Variants in CBFA2T3 observed in about 807,000 individuals in gnomAD.
CBFA2T3 encodes the protein CBFA2/RUNX1 partner transcriptional co-repressor 3.
CBFA2T3 carries 31 observed loss-of-function variants against 58.6 expected under a neutral mutation model. The ratio of observed to expected loss-of-function variants is 0.53; its 90% CI spans 0.40 to 0.71. The LOEUF (loss-of-function observed/expected upper bound fraction) is 0.71, where lower values mean the gene tolerates loss of function less well. Among genes scored for constraint, CBFA2T3 ranks in the 30% least tolerant of loss-of-function variants. CBFA2T3 has a pLI of 0.00. For synonymous variants in CBFA2T3, 531 were observed against 421.9 expected (o/e 1.26, Z -3.17); for missense variants, 1,076 against 963.1 (o/e 1.12, Z -1.55).
intron 3 of CBFA2T3, among the ~76,000 whole-genome samples, chr16:88,896,008 CGCTCAGGCCTGACCTGGGCTTCCCCA>C (rs1242489864): frequency 6.6e-6 from 1 of 152,196 alleles, no homozygotes. Flanking sequence ...CAGCCAGAGT[CGCTCAGGCCTGACCTGGGCTTCCCCA>C]GCCTCTCCTG....
At chr16:88,921,716 C>T (rs886214482) in intron 1 of CBFA2T3, among the ~76,000 whole-genome samples, 16 of 152,228 alleles carry the variant, frequency 1.1e-4, no homozygotes, top group African/African-American at 3.9e-4. Context: ...AATTAGGATC[C>T]TGTCAGCTGC....
rs1972126727 is a variant in CBFA2T3, at chr16:88,953,284, G to A, written c.151+23373C>T. Among the ~76,000 whole-genome samples, 1 of 152,240 alleles carries A rather than the reference G, an allele frequency of 6.6e-6. No individual in the cohort carries two copies. Among genetic ancestry groups the A allele is most frequent in the African/African-American group, 2.4e-5 (1 of 41,462 alleles). ...TACGTTTGCATCCCTTTCTTCCAGG[G>A]CCTGCGGGGCTGACAGGCACACAGC... On this transcript the variant is annotated intron_variant, in intron 1 of 11. Coordinates refer to ENST00000268679, the MANE Select transcript of CBFA2T3 (RefSeq NM_005187.6). The surrounding 1 kb of genome is among the most constrained non-coding windows in gnomAD (Gnocchi z 4.9).
intron 1 of CBFA2T3, among the ~76,000 whole-genome samples, chr16:88,948,191 T>C (rs1165460383): frequency 1.3e-5 from 2 of 152,212 alleles, no homozygotes; most frequent in East Asian, 1.9e-4. Flanking sequence ...CACGTGGTGA[T>C]TGGTCATCAA....
In CBFA2T3 at chr16:88,875,458, A is replaced by G. The variant is rs538638049; in HGVS notation, c.*1518T>C. 6 of 233,470 alleles carry G rather than the reference A, an allele frequency of 2.6e-5. No homozygotes were observed. In the South Asian group the frequency reaches 9.0e-4, roughly 35 times the overall value. 14.5% of individuals were successfully genotyped at this position (233,470 alleles called of 1,614,324 possible). On this transcript the variant is annotated 3_prime_UTR_variant, in exon 12 of 12. Transcript: ENST00000268679. ...CTGGGCAGGAGCACCAGGGCTATGTACACGGTCAGGGTCTTCCCTGGGGAG... is the reference window on the plus strand; with the variant it reads ...CTGGGCAGGAGCACCAGGGCTATGTGCACGGTCAGGGTCTTCCCTGGGGAG...
chr16:88,943,191 C>T (rs1335013745), intron 1 of CBFA2T3, among the ~76,000 whole-genome samples: 2 of 152,186 alleles, frequency 1.3e-5, no homozygotes, highest in Non-Finnish European at 2.9e-5. Flanking sequence ...AGCGAACCAC[C>T]CTGAAGTCAG....
intron 1 of CBFA2T3, among the ~76,000 whole-genome samples, chr16:88,949,080 A>G (rs139736789): frequency 2.1e-4 from 32 of 152,376 alleles, no homozygotes; most frequent in Non-Finnish European, 4.1e-4. Context: ...TGGGTTAAAG[A>G]ATAAAATGTG....
In CBFA2T3 at chr16:88,901,415, G is replaced by T. The variant is rs1181810679; in HGVS notation, c.304+89C>A. On this transcript the variant is annotated intron_variant, in intron 2 of 11. Transcript: ENST00000268679. ...TCAGGGCTCACAGAAGGTGCCCGCTGGCTCCGGGCAGGAAGCTCAGAATTT... is the reference window on the plus strand; with the variant it reads ...TCAGGGCTCACAGAAGGTGCCCGCTTGCTCCGGGCAGGAAGCTCAGAATTT... 9.2e-6 allele frequency: 6 copies of T among 653,400 alleles called. No individual in the cohort carries two copies. The South Asian group carries it at 1.4e-4, about 15-fold the overall frequency. The allele number at this position is 653,400 out of a possible 1,614,324, so 40.5% of individuals were successfully genotyped here. A position where few individuals can be genotyped will look rare whatever the true frequency, so the allele number is the denominator to read the frequency against.
Position 88,876,106 on chromosome 16 carries a change from G to A in CBFA2T3, c.*870C>T, listed in dbSNP as rs1968820349. ...GTGAAACAGTGAAAAAAATACTTTG[G>A]CAGTGACAAACAAATTTTGGATTTT... On this transcript the variant is annotated 3_prime_UTR_variant, in exon 12 of 12. Transcript: ENST00000268679. The A allele has an allele frequency of 4.3e-6, 1 of 232,576 alleles. No individual in the cohort carries two copies. Among genetic ancestry groups the A allele is most frequent in the African/African-American group, 2.2e-5 (1 of 45,262 alleles). 14.4% of individuals were successfully genotyped at this position (232,576 alleles called of 1,614,324 possible). A position where few individuals can be genotyped will look rare whatever the true frequency, so the allele number is the denominator to read the frequency against.
At chr16:88,900,162 C>A (rs1285103246) in intron 2 of CBFA2T3, among the ~76,000 whole-genome samples, 1 of 152,238 alleles carries the variant, frequency 6.6e-6, no homozygotes, top group Non-Finnish European at 1.5e-5. Context: ...CAGGGCCGGC[C>A]CCGCGGGTGC....
chr16:88,898,021 G>T, intron 3 of CBFA2T3, 57 bp downstream of exon 3: 2 of 1,284,630 alleles, frequency 1.6e-6, no homozygotes, highest in South Asian at 1.2e-5. Context: ...TGGGCCAGCT[G>T]AGGATGCTGC....
At chr16:88,975,196 G>A (rs28615249) in intron 1 of CBFA2T3, among the ~76,000 whole-genome samples, 1,477 of 123,936 alleles carry the variant, frequency 0.012, 36 homozygotes, top group African/African-American at 0.036. Flanking sequence ...AGCCATGTCA[G>A]AGGTCCACCC....
rs113111501 is a variant in CBFA2T3, at chr16:88,899,653, C to T, written c.305-1501G>A. On this transcript the variant is annotated intron_variant, in intron 2 of 11. Transcript: ENST00000268679. ...CCAGGAGCATCAGACCGGCACCTTCCAAGCAGAGGCTGCTGGTCCCCAGGG... is the reference window on the plus strand; with the variant it reads ...CCAGGAGCATCAGACCGGCACCTTCTAAGCAGAGGCTGCTGGTCCCCAGGG... Among the ~76,000 whole-genome samples, 13 of 152,304 alleles carry T rather than the reference C, an allele frequency of 8.5e-5. No homozygotes were observed. The South Asian group carries it at 2.5e-3, about 29-fold the overall frequency.
intron 5 of CBFA2T3, among the ~76,000 whole-genome samples, chr16:88,888,656 G>C (rs1969498492): frequency 6.8e-6 from 1 of 147,272 alleles, no homozygotes; most frequent in East Asian, 2.1e-4. Flanking sequence ...AGTAGGGCCA[G>C]GGTTCTGGCT....
intron 3 of CBFA2T3, among the ~76,000 whole-genome samples, chr16:88,896,078 T>C (rs763207663): frequency 2.6e-5 from 4 of 152,052 alleles, no homozygotes; most frequent in Non-Finnish European, 4.4e-5. Context: ...GGTTGCTCCA[T>C]CCTGACTGGT....
chr16:88,972,819 G>T (rs549111243), intron 1 of CBFA2T3, among the ~76,000 whole-genome samples: 1 of 152,216 alleles, frequency 6.6e-6, no homozygotes, highest in South Asian at 2.1e-4. Context: ...GACAGGAGGC[G>T]GGAGGTGAGG....
chr16:88,907,201 G>A (rs1970367587), intron 1 of CBFA2T3, among the ~76,000 whole-genome samples: 1 of 152,196 alleles, frequency 6.6e-6, no homozygotes, highest in Non-Finnish European at 1.5e-5. Context: ...GCCCAGCGCT[G>A]CCCGTGCAGA....
intron 1 of CBFA2T3, among the ~76,000 whole-genome samples, chr16:88,907,577 C>A (rs1322737292): frequency 6.6e-6 from 1 of 152,236 alleles, no homozygotes; most frequent in African/African-American, 2.4e-5. Flanking sequence ...AACAGAGGCA[C>A]AGAGAGGCTG....
chr16:88,921,633 T>C (rs947566940), intron 1 of CBFA2T3, among the ~76,000 whole-genome samples: 2 of 152,128 alleles, frequency 1.3e-5, no homozygotes, highest in Admixed American at 6.5e-5. Flanking sequence ...GAGGCCTGGA[T>C]TTTGTCCAGG....
Position 88,879,229 on chromosome 16 carries a change from C to T in CBFA2T3, c.1662+41G>A, listed in dbSNP as rs146006727. On this transcript the variant is annotated intron_variant, in intron 11 of 11. Coordinates refer to ENST00000268679, the MANE Select transcript of CBFA2T3 (RefSeq NM_005187.6). ...GGGTGGCGTGGGACCGCACGGGAGC[C>T]GAGGCAGGGGATGGGTGTCAGCGTG... 69 of 1,536,456 alleles carry T rather than the reference C, an allele frequency of 4.5e-5. No individual in the cohort carries two copies. In the Middle Eastern group the frequency reaches 8.1e-4, roughly 18 times the overall value.
Sources: gnomAD v4.1 joint callset for allele counts (sites outside exome capture counted in the v4.1 genomes callset) on GRCh38, gnomAD v4.1.1 for gene constraint, Gnocchi (gnomAD v3.1) non-coding constraint, MANE v1.5 for transcripts, NCBI Gene and HGNC (gene_info 2026-07-23, HGNC 2026-07-21) for gene names.